The following NEBL variants were observed in gnomAD, a reference collection of about 807,000 sequenced individuals.
NEBL encodes the protein nebulette, also known as LIM and SH3 protein 2.
NEBL carries 122 observed loss-of-function variants against 140.2 expected under a neutral mutation model. The observed-to-expected ratio is 0.87, with a 90% CI of 0.75 to 1.01. The LOEUF (loss-of-function observed/expected upper bound fraction) is 1.01. NEBL is among the 50% of genes least tolerant of loss of function. The pLI is 0.00. For synonymous variants in NEBL, 436 were observed against 398.9 expected, an observed-to-expected ratio of 1.09 and a Z score of -1.11; for missense variants, 1,365 against 1,231.3, an observed-to-expected ratio of 1.11 and a Z score of -1.62.
intron 5 of NEBL, among the ~76,000 whole-genome samples, chr10:20,875,563 C>A (rs548312252): frequency 8.2e-4 from 125 of 152,254 alleles, no homozygotes; most frequent in African/African-American, 2.9e-3. Flanking sequence ...TATACTCAGG[C>A]AACAGTGATT....
intron 2 of NEBL, among the ~76,000 whole-genome samples, chr10:21,085,786 A>G (rs544324426): frequency 6.6e-6 from 1 of 152,340 alleles, no homozygotes; most frequent in South Asian, 2.1e-4. Context: ...CTATGAAAAT[A>G]TATATAAATG....
At chr10:21,285,568 C>T (rs1055711711) in intron 1 of NEBL, among the ~76,000 whole-genome samples, 2 of 152,198 alleles carry the variant, frequency 1.3e-5, no homozygotes, top group Admixed American at 6.5e-5. Flanking sequence ...CCCCAACCAC[C>T]TTGGGGACAT....
At chr10:21,280,619 C>CTTTTTTTTTTTTTTTTTTTTTTTCTT (rs554320752) in intron 1 of NEBL, among the ~76,000 whole-genome samples, 7 of 98,114 alleles carry the variant, frequency 7.1e-5, no homozygotes, top group East Asian at 3.4e-4. Context: ...TTTCTTTTTC[C>CTTTTTTTTTTTTTTTTTTTTTTTCTT]TTTTTTTTTT....
At chr10:21,053,161 T>C (rs913720196) in intron 2 of NEBL, among the ~76,000 whole-genome samples, 2 of 152,098 alleles carry the variant, frequency 1.3e-5, no homozygotes, top group Admixed American at 1.3e-4. Context: ...AATAAATACA[T>C]AAAACTTTAA....
intron 26 of NEBL, among the ~76,000 whole-genome samples, chr10:20,800,511 T>C (rs923720158): frequency 6.6e-6 from 1 of 152,210 alleles, no homozygotes; most frequent in Non-Finnish European, 1.5e-5. Context: ...ACTGCTGAGT[T>C]GTATGGTAGT....
intron 3 of NEBL, among the ~76,000 whole-genome samples, chr10:20,998,942 A>G (rs3885710): frequency 0.12 from 18,395 of 152,106 alleles, 2,509 homozygotes; most frequent in East Asian, 0.44. Context: ...CCGCCAACAA[A>G]ACAGGATCCG....
At chr10:21,047,304 C>T (rs1270533778) in intron 2 of NEBL, among the ~76,000 whole-genome samples, 3 of 152,142 alleles carry the variant, frequency 2.0e-5, no homozygotes, top group Non-Finnish European at 4.4e-5. Flanking sequence ...AAAATGTCTG[C>T]CAATACTTGA....
intron 3 of NEBL, among the ~76,000 whole-genome samples, chr10:21,006,302 G>C (rs1838136857): frequency 6.6e-6 from 1 of 152,190 alleles, no homozygotes; most frequent in South Asian, 2.1e-4. Flanking sequence ...AGATTCCCAG[G>C]AGTGGAATTG....
chr10:21,253,050 G>A (rs963592235), intron 1 of NEBL, among the ~76,000 whole-genome samples: 5 of 152,096 alleles, frequency 3.3e-5, no homozygotes, highest in Admixed American at 2.0e-4. Flanking sequence ...TCACCTGAGC[G>A]CAAGAGTTCG....
At chr10:21,218,647 T>A (rs1842030266) in intron 3 of NEBL, among the ~76,000 whole-genome samples, 1 of 152,112 alleles carries the variant, frequency 6.6e-6, no homozygotes, top group Non-Finnish European at 1.5e-5. Context: ...CACATTTAAC[T>A]GATAAAAGAC....
At position 20,858,259 on chromosome 10, in the gene NEBL, G is replaced by C; in HGVS notation, c.884C>G (p.Ala295Gly). 6.2e-7 allele frequency: 1 copy of C among 1,607,880 alleles called. No individual in the cohort carries two copies. The highest frequency in any genetic ancestry group is 8.5e-7 in the Non-Finnish European group (1 of 1,174,344). Residue 295 changes from alanine (A) to glycine (G), a missense_variant, in exon 9 of 28, where the codon GCC (alanine) becomes GGC (glycine). Transcript: ENST00000377122. ...NLLFLDHVLK[A>G]SKMLSGREYK... is the part of the protein sequence containing the mutation. ...ACTTACGCCGCTGAGCATTTTGCTG[G>C]CTTTCAAAACATGGTCTAAAAACAA...
chr10:20,923,454 G>A (rs1316660322), intron 4 of NEBL, among the ~76,000 whole-genome samples: 1 of 151,718 alleles, frequency 6.6e-6, no homozygotes, highest in Non-Finnish European at 1.5e-5. Flanking sequence ...TGAGGTGGGT[G>A]GATCACGAGG....
At chr10:21,249,444 A>AGCT (rs780662361) in intron 2 of NEBL, among the ~76,000 whole-genome samples, 7 of 152,070 alleles carry the variant, frequency 4.6e-5, no homozygotes, top group Non-Finnish European at 1.0e-4. Flanking sequence ...CAACCAAAAA[A>AGCT]TCATGACCCA....
chr10:20,848,319 T>G (rs1842146300), intron 11 of NEBL, among the ~76,000 whole-genome samples: 1 of 152,218 alleles, frequency 6.6e-6, no homozygotes, highest in South Asian at 2.1e-4. Context: ...TAAATGTAAA[T>G]TTTTGTAGGG....
At chr10:21,235,041 T>C (rs1842329957) in intron 3 of NEBL, among the ~76,000 whole-genome samples, 2 of 152,250 alleles carry the variant, frequency 1.3e-5, no homozygotes, top group South Asian at 4.1e-4. Flanking sequence ...TCGCCTGTGG[T>C]CCCAGCATTT....
intron 4 of NEBL, among the ~76,000 whole-genome samples, chr10:20,887,585 T>C (rs1846644527): frequency 6.6e-6 from 1 of 151,864 alleles, no homozygotes; most frequent in African/African-American, 2.4e-5. Context: ...AACGGCTAAT[T>C]TTTGTATTTT....
At chr10:20,896,070 C>T (rs4111015) in intron 2 of NEBL, among the ~76,000 whole-genome samples, 93,894 of 151,894 alleles carry the variant, frequency 0.62, 30,745 homozygotes, top group Non-Finnish European at 0.72. Flanking sequence ...AGAAAACAAA[C>T]GTGCAAAACA....
At chr10:21,253,913 A>C (rs1842621916) in intron 1 of NEBL, among the ~76,000 whole-genome samples, 1 of 152,182 alleles carries the variant, frequency 6.6e-6, no homozygotes, top group African/African-American at 2.4e-5. Context: ...ATCACTTTTA[A>C]ATGAGAAACT....
At chr10:20,981,862 C>A (rs1352010283) in intron 3 of NEBL, among the ~76,000 whole-genome samples, 1 of 152,166 alleles carries the variant, frequency 6.6e-6, no homozygotes, top group African/African-American at 2.4e-5. Context: ...CTCTTAGCAG[C>A]CTTGCCCTAA....
Sources: allele counts gnomAD v4.1 joint callset (sites outside exome capture counted in the v4.1 genomes callset), GRCh38; gene constraint gnomAD v4.1.1; transcripts MANE v1.5; gene names NCBI Gene and HGNC (gene_info 2026-07-23, HGNC 2026-07-21).